The following ZNF850 variants were observed in gnomAD, a reference collection of about 807,000 sequenced individuals.
ZNF850 encodes the protein putative zinc finger protein ENSP00000330994.
In ZNF850, 2 loss-of-function variants were observed where a neutral mutation model predicts 11.9. The observed-to-expected ratio is 0.17, with a 90% CI of 0.07 to 0.53. ZNF850 has a LOEUF of 0.53. Among genes scored for constraint, ZNF850 ranks in the 20% least tolerant of loss-of-function variants. ZNF850 has a pLI of 0.94. For synonymous variants in ZNF850, 381 were observed against 443.0 expected, an observed-to-expected ratio of 0.86 and a Z score of 1.76; for missense variants, 1,014 against 1,316.4, an observed-to-expected ratio of 0.77 and a Z score of 3.55.
chr19:36,752,423 G>C (rs1439899077), intron 4 of ZNF850, among the ~76,000 whole-genome samples: 1 of 152,134 alleles, frequency 6.6e-6, no homozygotes, highest in Non-Finnish European at 1.5e-5. Flanking sequence ...GGCCAAAGAT[G>C]GGACAAGTTG....
At chr19:36,769,624 A>G (rs532363762) in intron 1 of ZNF850, among the ~76,000 whole-genome samples, 2 of 152,182 alleles carry the variant, frequency 1.3e-5, no homozygotes, top group Non-Finnish European at 2.9e-5. Flanking sequence ...ATAAATAAAT[A>G]AAAATTCAGC....
rs1309733290 is a variant in ZNF850, at chr19:36,747,846, T to C, written c.3194A>G (p.Tyr1065Cys). Reference sequence around the variant, plus strand: ...GGCCTTCCCACATGTCTTACATTCATAGGGTTTCTCGCCAGTGTGAACACT... The same window carrying C: ...GGCCTTCCCACATGTCTTACATTCACAGGGTTTCTCGCCAGTGTGAACACT... ...HQSVHTGEKP[Y>C]ECKTCGKAFK... Residue 1065 changes from tyrosine (Y) to cysteine (C), a missense_variant, in exon 5 of 5, where the codon TAT becomes TGT. Tyr to Cys is a radical substitution (Grantham distance 194, BLOSUM62 -2). Coordinates refer to ENST00000591344, the MANE Select transcript of ZNF850 (RefSeq NM_001193552.2). 9.5e-6 allele frequency: 15 copies of C among 1,581,402 alleles called. No homozygotes were observed. The highest frequency in any genetic ancestry group is 1.3e-5 in the Non-Finnish European group (15 of 1,167,294).
At chr19:36,760,387 C>T (rs1358469328) in intron 4 of ZNF850, among the ~76,000 whole-genome samples, 4 of 152,066 alleles carry the variant, frequency 2.6e-5, no homozygotes, top group African/African-American at 7.2e-5. Context: ...GCAGGGGATG[C>T]AGTGAGCCGA....
chr19:36,753,357 G>A (rs2040465289), intron 4 of ZNF850, among the ~76,000 whole-genome samples: 1 of 129,990 alleles, frequency 7.7e-6, no homozygotes, highest in Non-Finnish European at 1.6e-5. Context: ...GGGATGCCAA[G>A]ACTGCAAGAT....
chr19:36,762,972 C>A (rs1204272177), intron 1 of ZNF850, among the ~76,000 whole-genome samples: 1 of 151,866 alleles, frequency 6.6e-6, no homozygotes, highest in African/African-American at 2.4e-5. Context: ...CTCACTGCAG[C>A]CTCAACCTCC....
chr19:36,747,706 C>A lies in ZNF850; in HGVS notation c.*61G>T. The stretch of plus-strand genomic sequence containing the variant: ...GTAATACACATCCATTGTATTTGAC[C>A]CACATATGGAATCTGCTGATGATCC... On this transcript the variant is annotated 3_prime_UTR_variant, in exon 5 of 5. Transcript: ENST00000591344. 1 of 1,398,662 alleles carries A rather than the reference C, an allele frequency of 7.1e-7. No individual in the cohort carries two copies. The allele number at this position is 1,398,662 out of a possible 1,614,324, so 86.6% of individuals were successfully genotyped here.
rs1017113204 is a variant in ZNF850, at chr19:36,744,226, A to G, written c.*3541T>C. ...CCCAAATAGATCATCTTTGGTCAATAAGAATATACAGGTGATCTTTCTGTC... is the reference window on the plus strand; with the variant it reads ...CCCAAATAGATCATCTTTGGTCAATGAGAATATACAGGTGATCTTTCTGTC... On this transcript the variant is annotated 3_prime_UTR_variant, in exon 5 of 5. Coordinates refer to ENST00000591344, the MANE Select transcript of ZNF850 (RefSeq NM_001193552.2). 3 of 151,954 alleles carry G rather than the reference A, an allele frequency of 2.0e-5. No homozygotes were observed. The highest frequency in any genetic ancestry group is 7.2e-5 in the African/African-American group (3 of 41,380). The allele number at this position is 151,954 out of a possible 1,614,324, so 9.4% of individuals were successfully genotyped here.
At position 36,749,719 on chromosome 19, in the gene ZNF850, G is replaced by A. The variant is rs1440085698; in HGVS notation, c.1321C>T (p.Arg441Ter). 11 of 1,559,112 alleles carry A rather than the reference G, an allele frequency of 7.1e-6. No individual in the cohort carries two copies. The highest frequency in any genetic ancestry group is 8.7e-6 in the Non-Finnish European group (10 of 1,154,346). ...TAGGGTTTCTCACCAGTGTGAATTC[G>A]CTGATGTTGAATTAGTGTTGAGCCA... ...TAGSTLIQHQ[R>*]IHTGEKPYDC... Residue 441 changes from arginine (R) to a stop codon, truncating the protein, a stop_gained, in exon 5 of 5, where the codon CGA becomes TGA. Coordinates refer to ENST00000591344, the MANE Select transcript of ZNF850 (RefSeq NM_001193552.2). LOFTEE classifies it low-confidence loss of function (END_TRUNC).
intron 1 of ZNF850, among the ~76,000 whole-genome samples, chr19:36,771,516 TGGCCCGG>T (rs2040583647): frequency 6.9e-6 from 1 of 145,174 alleles, no homozygotes; most frequent in African/African-American, 2.6e-5. Context: ...AGTGAAAGTT[TGGCCCGG>T]GACCAATCAG....
At chr19:36,766,426 A>C (rs1368632030) in intron 1 of ZNF850, among the ~76,000 whole-genome samples, 1 of 152,248 alleles carries the variant, frequency 6.6e-6, no homozygotes, top group Admixed American at 6.5e-5. Flanking sequence ...CATACACAGA[A>C]CAATACAGAT....
At position 36,747,692 on chromosome 19, in the gene ZNF850, C is replaced by T. The variant is rs190203401; in HGVS notation, c.*75G>A. ...AAAGTGAATATGAAGTAATACACAT[C>T]CATTGTATTTGACCCACATATGGAA... On this transcript the variant is annotated 3_prime_UTR_variant, in exon 5 of 5. Coordinates refer to ENST00000591344, the MANE Select transcript of ZNF850 (RefSeq NM_001193552.2). 1.0e-5 allele frequency: 13 copies of T among 1,285,958 alleles called. No individual in the cohort carries two copies. In the South Asian group the frequency reaches 1.3e-4, roughly 13 times the overall value. The allele number at this position is 1,285,958 out of a possible 1,614,324, so 79.7% of individuals were successfully genotyped here.
intron 4 of ZNF850, among the ~76,000 whole-genome samples, chr19:36,761,238 G>A (rs4806350): frequency 0.24 from 37,060 of 151,506 alleles, 4,598 homozygotes; most frequent in South Asian, 0.36. Flanking sequence ...TCAGGAGTTC[G>A]AGGCCAGCCT....
chr19:36,748,891 T>C lies in ZNF850; in HGVS notation c.2149A>G (p.Ile717Val). The change falls in exon 5 of 5, where the codon ATT becomes GTT. Residue 717 changes from isoleucine (I) to valine (V), a missense_variant. Physicochemically the swap from Ile to Val is conservative, Grantham distance 29 (BLOSUM62 3). Around this residue, in one of 2 missense-constraint regions of ZNF850, gnomAD observed 835 missense variants for 1,022.0 expected, o/e 0.82. Coordinates refer to ENST00000591344, the MANE Select transcript of ZNF850 (RefSeq NM_001193552.2). ...TCAGTGTGATTTTGCTGATGTTGAA[T>C]TAGTCCTGAGCAGAAAGTAAAAGAT... Reference protein sequence around the residue: ...GKSFTFCSGLIQHQQNHTDEK... With the variant: ...GKSFTFCSGLVQHQQNHTDEK... 2 of 1,555,854 alleles carry C rather than the reference T, an allele frequency of 1.3e-6. No individual in the cohort carries two copies. The highest frequency in any genetic ancestry group is 1.7e-6 in the Non-Finnish European group (2 of 1,153,436).
At chr19:36,758,170 C>A (rs1479592130) in intron 4 of ZNF850, among the ~76,000 whole-genome samples, 1 of 152,144 alleles carries the variant, frequency 6.6e-6, no homozygotes, top group African/African-American at 2.4e-5. Context: ...CGACTCATGC[C>A]TTACAGGTGT....
intron 4 of ZNF850, among the ~76,000 whole-genome samples, chr19:36,755,905 CCT>C (rs1491199542): frequency 7.5e-6 from 1 of 132,612 alleles, no homozygotes; most frequent in Non-Finnish European, 1.6e-5. Flanking sequence ...TAGTTTTTAG[CCT>C]TTTTTTTTTT....
Position 36,749,709 on chromosome 19 carries a change from G to T in ZNF850, c.1331C>A (p.Thr444Asn). 6.4e-7 allele frequency: 1 copy of T among 1,560,220 alleles called. No individual in the cohort carries two copies. Among genetic ancestry groups the T allele is most frequent in the Non-Finnish European group, 8.7e-7 (1 of 1,154,650 alleles). ...CTTACAATCATAGGGTTTCTCACCA[G>T]TGTGAATTCGCTGATGTTGAATTAG... ...STLIQHQRIHTGEKPYDCKEC... is the reference protein window; with the variant it reads ...STLIQHQRIHNGEKPYDCKEC... Residue 444 changes from threonine to asparagine, a missense_variant, in exon 5 of 5, where the codon ACT (threonine) becomes AAT (asparagine). This residue lies in a region of ZNF850 where 835 missense variants were observed against 1,022.0 expected (regional missense o/e 0.82). Transcript: ENST00000591344.
chr19:36,767,603 C>A lies in ZNF850; in HGVS notation c.-69-4928G>T, dbSNP rs549958100. 2.6e-4 allele frequency among the ~76,000 whole-genome samples: 40 copies of A among 151,970 alleles called. No homozygotes were observed. The South Asian group carries it at 4.4e-3, about 17-fold the overall frequency. On this transcript the variant is annotated intron_variant, in intron 1 of 4. Transcript: ENST00000591344. ...AATTAGCAGGCTGAGGTGGCGCATGCCTGTAATCTAGGCTACTCGGGAGGC... is the reference window on the plus strand; with the variant it reads ...AATTAGCAGGCTGAGGTGGCGCATGACTGTAATCTAGGCTACTCGGGAGGC...
rs754621260 is a variant in ZNF850, at chr19:36,769,276, AAAAGAAAGAAAG to A, written c.-70+3437_-70+3448del. ...AAGACTGTCTCAAAAAAAAAAAAAA[AAAAGAAAGAAAG>A]AAAGAAAGAAAGAAAGAAAAAGAAA... On this transcript the variant is annotated intron_variant, in intron 1 of 4. Transcript: ENST00000591344. Among the ~76,000 whole-genome samples the A allele has an allele frequency of 8.5e-4, 96 of 113,238 alleles. 4 individuals are homozygous for A. Among genetic ancestry groups the A allele is most frequent in the Non-Finnish European group, 1.3e-3 (79 of 59,392 alleles). The allele number at this position is 113,238 out of a possible 152,430, so 74.3% of individuals were successfully genotyped here.
In ZNF850 at chr19:36,750,040, C is replaced by T. The variant is rs1335714286; in HGVS notation, c.1000G>A (p.Glu334Lys). Residue 334 changes from glutamate (E) to lysine (K), a missense_variant, in exon 5 of 5, where the codon GAG becomes AAG. This residue lies in a region of ZNF850 where 835 missense variants were observed against 1,022.0 expected (regional missense o/e 0.82). Transcript: ENST00000591344. ...LIRHQQIHTG[E>K]KPYDCKECGK... The stretch of plus-strand genomic sequence containing the variant: ...CATTCCTTACAATCATACGGTTTCT[C>T]ACCAGTGTGAATTTGCTGGTGTCGA... 6.5e-7 allele frequency: 1 copy of T among 1,542,204 alleles called. No homozygotes were observed. Among genetic ancestry groups the T allele is most frequent in the Non-Finnish European group, 8.7e-7 (1 of 1,147,774 alleles).
Sources: gnomAD v4.1 joint callset for allele counts (sites outside exome capture counted in the v4.1 genomes callset) on GRCh38, gnomAD v4.1.1 for gene constraint, gnomAD v4.1.1 regional missense constraint, MANE v1.5 for transcripts, NCBI Gene and HGNC (gene_info 2026-07-23, HGNC 2026-07-21) for gene names.